MAPK10: variants seen among roughly 807,000 people sequenced by gnomAD.
MAPK10 encodes JNK3 alpha protein kinase.
Under a neutral mutation model 59.3 loss-of-function variants are expected in MAPK10, and 25 were observed. The observed-to-expected ratio is 0.42, with a 90% CI of 0.31 to 0.59. The LOEUF (loss-of-function observed/expected upper bound fraction) is 0.59. Among genes scored for constraint, MAPK10 ranks in the 20% least tolerant of loss-of-function variants. The pLI is 0.15. For synonymous variants in MAPK10, 190 were observed against 200.5 expected (o/e 0.95, Z 0.44); for missense variants, 351 against 568.9 (o/e 0.62, Z 3.90).
chr4:86,067,650 G>T, intron 10 of MAPK10, 123 bp downstream of exon 10: 2 of 800,830 alleles, frequency 2.5e-6, no homozygotes, highest in South Asian at 2.7e-5. Context: ...AAAAATGTAC[G>T]ATTATCATGT....
chr4:86,026,204 T>G (rs1750125512), intron 13 of MAPK10, among the ~76,000 whole-genome samples: 1 of 152,182 alleles, frequency 6.6e-6, no homozygotes, highest in African/African-American at 2.4e-5. Context: ...TTTGGGAGCT[T>G]TACTTCTCAG....
intron 1 of MAPK10, among the ~76,000 whole-genome samples, chr4:86,506,929 C>T (rs1247181178): frequency 6.6e-6 from 1 of 151,984 alleles, no homozygotes; most frequent in Non-Finnish European, 1.5e-5. Context: ...GCTCTGCCCA[C>T]ACTAATACAA....
intron 1 of MAPK10, among the ~76,000 whole-genome samples, chr4:86,571,281 T>A (rs960421235): frequency 6.8e-6 from 1 of 146,396 alleles, no homozygotes; most frequent in African/African-American, 2.5e-5. Flanking sequence ...ATATATATAT[T>A]ACTGGATAGA....
At chr4:86,033,749 A>C (rs2039596292) in intron 11 of MAPK10, among the ~76,000 whole-genome samples, 1 of 152,228 alleles carries the variant, frequency 6.6e-6, no homozygotes, top group Non-Finnish European at 1.5e-5. Flanking sequence ...AATTTACTAC[A>C]TATTCAGATT....
chr4:86,384,761 T>C (rs1473128409), intron 1 of MAPK10, among the ~76,000 whole-genome samples: 1 of 152,206 alleles, frequency 6.6e-6, no homozygotes, highest in African/African-American at 2.4e-5. Flanking sequence ...GTTTTATTTA[T>C]GATATTTCAC....
chr4:86,148,918 A>AG (rs1270380093), intron 4 of MAPK10, among the ~76,000 whole-genome samples: 5 of 152,210 alleles, frequency 3.3e-5, no homozygotes, highest in African/African-American at 1.2e-4. Flanking sequence ...TTTAAAATAC[A>AG]AATATTTGAA....
chr4:86,050,136 G>T (rs2043242219), intron 11 of MAPK10, among the ~76,000 whole-genome samples: 1 of 151,930 alleles, frequency 6.6e-6, no homozygotes, highest in African/African-American at 2.4e-5. Flanking sequence ...CATTTCACTT[G>T]GTAACTCTTG....
chr4:86,229,539 A>G (rs918412123), intron 2 of MAPK10, among the ~76,000 whole-genome samples: 1 of 152,142 alleles, frequency 6.6e-6, no homozygotes, highest in African/African-American at 2.4e-5. Context: ...AAAGCTATCC[A>G]CTTTATAGTA....
At chr4:86,309,522 A>C (rs1352049546) in intron 2 of MAPK10, among the ~76,000 whole-genome samples, 5 of 152,206 alleles carry the variant, frequency 3.3e-5, no homozygotes, top group Admixed American at 1.3e-4. Flanking sequence ...TTCCAGCAAT[A>C]CTGAAGTAAC....
chr4:86,392,978 A>G (rs1742439297), intron 1 of MAPK10, among the ~76,000 whole-genome samples: 1 of 152,216 alleles, frequency 6.6e-6, no homozygotes, highest in Non-Finnish European at 1.5e-5. Flanking sequence ...AAAATTCTAT[A>G]TATTATTCTT....
chr4:86,334,933 A>T (rs1476081670), intron 2 of MAPK10: 1 of 150,694 alleles, frequency 6.6e-6, no homozygotes, highest in Admixed American at 6.7e-5. Context: ...TCTGAACTCA[A>T]TGCCTAGAAT....
intron 1 of MAPK10, among the ~76,000 whole-genome samples, chr4:86,440,760 G>A (rs1380048331): frequency 6.6e-6 from 1 of 152,044 alleles, no homozygotes; most frequent in Admixed American, 6.6e-5. Context: ...ATTTTAAAAA[G>A]TATTCATGAT....
intron 1 of MAPK10, among the ~76,000 whole-genome samples, chr4:86,566,710 A>AT (rs1761085142): frequency 6.6e-6 from 1 of 150,786 alleles, no homozygotes. Flanking sequence ...GTGAGAATCC[A>AT]TTTAAAAAAA....
At chr4:86,341,332 C>T (rs753856306) in intron 2 of MAPK10, among the ~76,000 whole-genome samples, 2 of 152,136 alleles carry the variant, frequency 1.3e-5, no homozygotes, top group Non-Finnish European at 2.9e-5. Context: ...CCAAACAGAT[C>T]TCAATGAATC....
intron 2 of MAPK10, among the ~76,000 whole-genome samples, chr4:86,305,065 A>T (rs1235329798): frequency 6.6e-6 from 1 of 152,222 alleles, no homozygotes; most frequent in Non-Finnish European, 1.5e-5. Context: ...AAAAACAAAC[A>T]AACAAAAAAT....
At chr4:86,449,582 T>C (rs74970960) in intron 1 of MAPK10, among the ~76,000 whole-genome samples, 4,864 of 152,354 alleles carry the variant, frequency 0.032, 123 homozygotes, top group Non-Finnish European at 0.046. Flanking sequence ...AAGTATGGTG[T>C]ACCCATCCTA....
chr4:86,075,467 G>C (rs966051463), intron 9 of MAPK10, among the ~76,000 whole-genome samples: 1 of 152,078 alleles, frequency 6.6e-6, no homozygotes, highest in African/African-American at 2.4e-5. Context: ...GAGGAGAGAT[G>C]CTCTGCGTTT....
At position 86,191,553 on chromosome 4, in the gene MAPK10, C is replaced by CTTTTTTTTTTTTTTTTT. The variant is rs35357476; in HGVS notation, c.66+2766_66+2782dup. ...TCAGAGACTAGGATTACAACCCGTG[C>CTTTTTTTTTTTTTTTTT]TTTTTTTTTTTTTTTTTTTTTTTTT... On this transcript the variant is annotated intron_variant, in intron 3 of 13. Transcript: ENST00000641462. 2.6e-4 allele frequency: 8 copies of CTTTTTTTTTTTTTTTTT among 30,414 alleles called. 2 individuals carry two copies. The highest frequency in any genetic ancestry group is 7.0e-4 in the Non-Finnish European group (6 of 8,630). 1.9% of individuals were successfully genotyped at this position (30,414 alleles called of 1,614,324 possible).
chr4:86,488,359 G>A (rs747363677), intron 1 of MAPK10, among the ~76,000 whole-genome samples: 4 of 152,114 alleles, frequency 2.6e-5, no homozygotes, highest in Non-Finnish European at 5.9e-5. Flanking sequence ...TCAATGTATA[G>A]TTCCAGCTTC....
Sources: gnomAD v4.1 joint callset for allele counts (sites outside exome capture counted in the v4.1 genomes callset) on GRCh38, gnomAD v4.1.1 for gene constraint, MANE v1.5 for transcripts, NCBI Gene and HGNC (gene_info 2026-07-23, HGNC 2026-07-21) for gene names.